The following AGBL1 variants were observed in gnomAD, a reference collection of about 807,000 sequenced individuals.
AGBL1 encodes AGBL carboxypeptidase 1.
AGBL1 carries 130 observed loss-of-function variants against 118.9 expected under a neutral mutation model. The observed-to-expected ratio is 1.09, with a 90% CI of 0.95 to 1.26. The LOEUF is 1.26. AGBL1 is among the 50% of genes most tolerant of loss of function. The pLI is 0.00. For synonymous variants in AGBL1, 555 were observed against 478.9 expected, an observed-to-expected ratio of 1.16 and a Z score of -2.08; for missense variants, 1,584 against 1,298.1, an observed-to-expected ratio of 1.22 and a Z score of -3.38.
intron 5 of AGBL1, among the ~76,000 whole-genome samples, chr15:86,191,482 G>T (rs1269503381): frequency 6.6e-6 from 1 of 151,840 alleles, no homozygotes; most frequent in East Asian, 1.9e-4. Flanking sequence ...GCAAAGGCTT[G>T]TAATGATAGC....
At chr15:86,080,977 TA>T (rs1213189724) in intron 1 of AGBL1, among the ~76,000 whole-genome samples, 1 of 152,174 alleles carries the variant, frequency 6.6e-6, no homozygotes, top group Non-Finnish European at 1.5e-5. Flanking sequence ...GTTTAGAATA[TA>T]AACATTTTGT....
intron 17 of AGBL1, among the ~76,000 whole-genome samples, chr15:86,388,792 A>G (rs1241988483): frequency 2.0e-5 from 3 of 152,192 alleles, no homozygotes; most frequent in Non-Finnish European, 4.4e-5. Flanking sequence ...TAAGCAAGAT[A>G]GTGATAATTC....
chr15:87,006,239 A>G (rs2081501433), intron 24 of AGBL1, among the ~76,000 whole-genome samples: 1 of 152,144 alleles, frequency 6.6e-6, no homozygotes, highest in Admixed American at 6.5e-5. Flanking sequence ...GGACATTTAA[A>G]TCTGCAGAGG....
intron 6 of AGBL1, among the ~76,000 whole-genome samples, chr15:86,241,425 G>C (rs1000170702): frequency 6.6e-6 from 1 of 152,284 alleles, no homozygotes; most frequent in South Asian, 2.1e-4. Flanking sequence ...ATTTACAGAT[G>C]ATGGAAATTC....
chr15:86,104,216 C>T (rs1361588663), intron 1 of AGBL1, among the ~76,000 whole-genome samples: 2 of 152,126 alleles, frequency 1.3e-5, no homozygotes, highest in African/African-American at 2.4e-5. Context: ...GTGGGTGTGT[C>T]CTCTGGCCCT....
chr15:86,446,048 G>A (rs185007876), intron 18 of AGBL1, among the ~76,000 whole-genome samples: 2 of 152,276 alleles, frequency 1.3e-5, no homozygotes, highest in African/African-American at 4.8e-5. Context: ...GACAGTGGCT[G>A]AGAGGTGGGT....
At chr15:86,530,014 G>A (rs1387339042) in intron 19 of AGBL1, among the ~76,000 whole-genome samples, 1 of 133,744 alleles carries the variant, frequency 7.5e-6, no homozygotes, top group Non-Finnish European at 1.5e-5. Flanking sequence ...ATGCCAAAAT[G>A]TAAAGACCAT....
intron 17 of AGBL1, among the ~76,000 whole-genome samples, chr15:86,355,593 T>A (rs1262646837): frequency 2.0e-5 from 3 of 152,212 alleles, no homozygotes; most frequent in Non-Finnish European, 2.9e-5. Context: ...CCAGCCAATA[T>A]TATATGTATG....
chr15:86,474,396 T>A (rs951853032), intron 18 of AGBL1, among the ~76,000 whole-genome samples: 5 of 152,156 alleles, frequency 3.3e-5, no homozygotes, highest in Non-Finnish European at 5.9e-5. Flanking sequence ...GCTTTTCCAA[T>A]GGTCTTAGCA....
At chr15:86,755,683 T>C (rs1052135713) in intron 22 of AGBL1, among the ~76,000 whole-genome samples, 5 of 152,156 alleles carry the variant, frequency 3.3e-5, no homozygotes, top group Non-Finnish European at 5.9e-5. Context: ...CCTCTGTTCC[T>C]TCATGTACTT....
At chr15:86,660,458 A>C (rs1332069706) in intron 21 of AGBL1, among the ~76,000 whole-genome samples, 2 of 152,122 alleles carry the variant, frequency 1.3e-5, no homozygotes, top group African/African-American at 4.8e-5. Context: ...CTTCAAATCT[A>C]CTTACACTTT....
intron 22 of AGBL1, among the ~76,000 whole-genome samples, chr15:86,854,832 A>T (rs572772396): frequency 1.3e-3 from 201 of 152,272 alleles, no homozygotes; most frequent in African/African-American, 4.7e-3. Context: ...CAGCTCAAAG[A>T]CCATCACTGA....
Position 86,082,189 on chromosome 15 carries a change from T to A in AGBL1, c.51+2166T>A, listed in dbSNP as rs1390413878. ...TTTAAAAAAGAGAACCCAGAACATA[T>A]ATTCTGTGGAATAATCTTTCATGAT... On this transcript the variant is annotated intron_variant, in intron 1 of 22. Transcript: ENST00000614907. Among the ~76,000 whole-genome samples, 3 of 152,330 alleles carry A rather than the reference T, an allele frequency of 2.0e-5. No homozygotes were observed. In the East Asian group the frequency reaches 5.8e-4, roughly 29 times the overall value.
intron 22 of AGBL1, among the ~76,000 whole-genome samples, chr15:86,764,590 G>A (rs147956431): frequency 1.2e-3 from 175 of 152,154 alleles, no homozygotes; most frequent in Admixed American, 1.7e-3. Context: ...AAAGTTATTT[G>A]TAGGGTAAAA....
At chr15:86,277,161 T>TG (rs2079266899) in intron 15 of AGBL1, among the ~76,000 whole-genome samples, 1 of 151,880 alleles carries the variant, frequency 6.6e-6, no homozygotes, top group African/African-American at 2.4e-5. Flanking sequence ...TTTTTTTTTT[T>TG]TTGGAATTCC....
chr15:86,865,716 G>A (rs551454834), intron 22 of AGBL1, among the ~76,000 whole-genome samples: 7 of 152,256 alleles, frequency 4.6e-5, no homozygotes, highest in Admixed American at 4.6e-4. Flanking sequence ...ACTCAGCAGA[G>A]TGCTATACAC....
At chr15:87,029,142 G>A (rs192548083), downstream of AGBL1, 21 of 262,048 alleles carry the variant, frequency 8.0e-5, no homozygotes, top group Middle Eastern at 1.1e-3. Context: ...TGAAAGAATC[G>A]CAAAGGTACT....
chr15:86,534,806 C>T (rs1379382040), intron 19 of AGBL1, among the ~76,000 whole-genome samples: 3 of 152,124 alleles, frequency 2.0e-5, no homozygotes, highest in South Asian at 4.1e-4. Context: ...ACTCTATTCT[C>T]TATGTGTCTG....
intron 1 of AGBL1, chr15:86,116,555 C>T (rs1897770380): frequency 6.6e-6 from 1 of 152,252 alleles, no homozygotes. Flanking sequence ...GAATACAACA[C>T]AAAGACAGAG....
Sources: gnomAD v4.1 joint callset for allele counts (sites outside exome capture counted in the v4.1 genomes callset) on GRCh38, gnomAD v4.1.1 for gene constraint, MANE v1.5 for transcripts, NCBI Gene and HGNC (gene_info 2026-07-23, HGNC 2026-07-21) for gene names.